ADGRL4: variants seen among roughly 807,000 people sequenced by gnomAD.
ADGRL4 encodes the protein EGF, latrophilin and seven transmembrane domain containing 1.
Under a neutral mutation model 74.8 loss-of-function variants are expected in ADGRL4, and 90 were observed. That is an observed-to-expected ratio of 1.20 (90% confidence interval 1.02 to 1.43). ADGRL4 has a LOEUF of 1.43. Ranked by LOEUF, ADGRL4 falls within the 40% of genes most tolerant of loss-of-function variation. The pLI is 0.00. For missense variants in ADGRL4, 881 were observed against 814.3 expected (o/e 1.08, Z -1.00); for synonymous variants, 311 against 279.2 (o/e 1.11, Z -1.14).
rs57419194 is a variant in ADGRL4 at position 78,945,164 on chromosome 1, CAA to C, written c.325+1108_325+1109del. On this transcript the variant is annotated intron_variant, in intron 3 of 14. Coordinates refer to ENST00000370742, the MANE Select transcript of ADGRL4 (RefSeq NM_022159.4). ...TGGGCGACAGAGCGAGACTCTGTCT[CAA>C]AAAAAAAAAAAATATATATATATAT... Among the ~76,000 whole-genome samples, 21 of 116,538 alleles carry C rather than the reference CAA, an allele frequency of 1.8e-4. 1 individual carries two copies. Among genetic ancestry groups the C allele is most frequent in the East Asian group, 3.4e-4 (1 of 2,934 alleles). The allele number at this position is 116,538 out of a possible 152,430, so 76.5% of individuals were successfully genotyped here. A position where few individuals can be genotyped will look rare whatever the true frequency, so the allele number is the denominator to read the frequency against.
At chr1:78,928,312 T>C (rs964330534) in intron 7 of ADGRL4, among the ~76,000 whole-genome samples, 3 of 151,538 alleles carry the variant, frequency 2.0e-5, no homozygotes, top group African/African-American at 4.9e-5. Context: ...CATTTACAAA[T>C]ATATTATCTC....
intron 3 of ADGRL4, among the ~76,000 whole-genome samples, chr1:78,945,253 A>C (rs911367090): frequency 6.6e-6 from 1 of 150,902 alleles, no homozygotes; most frequent in Non-Finnish European, 1.5e-5. Context: ...TTGAATATCT[A>C]TCTCTTTTAT....
intron 6 of ADGRL4, 118 bp downstream of exon 6, chr1:78,937,689 A>G: frequency 9.2e-6 from 8 of 867,818 alleles, no homozygotes; most frequent in Non-Finnish European, 1.5e-5. Flanking sequence ...CACTGATAAA[A>G]CTACTTTCAA....
At chr1:78,916,691 C>G (rs1444568065) in intron 12 of ADGRL4, among the ~76,000 whole-genome samples, 1 of 151,676 alleles carries the variant, frequency 6.6e-6, no homozygotes, top group Non-Finnish European at 1.5e-5. Flanking sequence ...TAGCAGTACC[C>G]TCACAACCAT....
At chr1:78,972,663 A>G (rs1570264523) in intron 2 of ADGRL4, among the ~76,000 whole-genome samples, 1 of 152,222 alleles carries the variant, frequency 6.6e-6, no homozygotes, top group African/African-American at 2.4e-5. Flanking sequence ...TTGGCTTCAT[A>G]AATGAATCTG....
intron 2 of ADGRL4, among the ~76,000 whole-genome samples, chr1:78,998,131 C>T (rs1272150345): frequency 3.9e-5 from 6 of 152,284 alleles, no homozygotes; most frequent in Non-Finnish European, 7.4e-5. Context: ...AGGGGAAAGC[C>T]AGACTCTTTG....
intron 3 of ADGRL4, among the ~76,000 whole-genome samples, chr1:78,945,045 G>A (rs952991502): frequency 1.2e-4 from 18 of 151,666 alleles, no homozygotes; most frequent in African/African-American, 4.3e-4. Context: ...TGCACCTGTA[G>A]TCCCAGCTAC....
intron 12 of ADGRL4, among the ~76,000 whole-genome samples, chr1:78,910,318 A>T (rs922534693): frequency 7.9e-5 from 12 of 151,844 alleles, no homozygotes; most frequent in Admixed American, 2.6e-4. Context: ...GTGAAAGGGA[A>T]TTAGATTGTA....
At chr1:78,938,644 A>C (rs747546349) in intron 4 of ADGRL4, among the ~76,000 whole-genome samples, 19 of 152,102 alleles carry the variant, frequency 1.2e-4, no homozygotes, top group Non-Finnish European at 2.2e-4. Context: ...TGATATCCTA[A>C]GCAATAAATG....
intron 2 of ADGRL4, among the ~76,000 whole-genome samples, chr1:78,975,534 G>A (rs1005766958): frequency 2.6e-5 from 4 of 151,858 alleles, no homozygotes; most frequent in Admixed American, 6.6e-5. Context: ...TTATAATTAT[G>A]TAGGCCCAGG....
intron 12 of ADGRL4, among the ~76,000 whole-genome samples, chr1:78,898,746 T>A (rs1648452924): frequency 6.6e-6 from 1 of 152,162 alleles, no homozygotes; most frequent in Non-Finnish European, 1.5e-5. Context: ...TTTTGTTTCA[T>A]CTTAAGTGAT....
intron 11 of ADGRL4, 55 bp from the exon 12 acceptor site, chr1:78,917,755 T>C: frequency 1.3e-6 from 2 of 1,584,412 alleles, no homozygotes; most frequent in Non-Finnish European, 1.7e-6. Flanking sequence ...TATGTTAACA[T>C]AGCAAAATTA....
chr1:78,952,839 T>C (rs1649756997), intron 2 of ADGRL4, among the ~76,000 whole-genome samples: 1 of 152,178 alleles, frequency 6.6e-6, no homozygotes, highest in Non-Finnish European at 1.5e-5. Flanking sequence ...CAGGTTCATT[T>C]CAAAATTTTT....
intron 2 of ADGRL4, among the ~76,000 whole-genome samples, chr1:78,987,225 T>C (rs12120512): frequency 0.11 from 17,269 of 151,756 alleles, 1,016 homozygotes; most frequent in Admixed American, 0.14. Flanking sequence ...CATCGTGATA[T>C]ACTATTTATT....
chr1:78,927,118 G>A, intron 7 of ADGRL4, 27 bp from the exon 8 acceptor site: 1 of 1,420,934 alleles, frequency 7.0e-7, no homozygotes, highest in Non-Finnish European at 9.8e-7. Context: ...TATATTTAGT[G>A]AAATTCTTAT....
At chr1:78,999,891 T>C (rs1349388149) in intron 2 of ADGRL4, among the ~76,000 whole-genome samples, 2 of 151,934 alleles carry the variant, frequency 1.3e-5, no homozygotes, top group Non-Finnish European at 2.9e-5. Flanking sequence ...GAGCCTGAAG[T>C]ATAAACAGAA....
At chr1:78,909,519 G>T (rs1648713481) in intron 12 of ADGRL4, among the ~76,000 whole-genome samples, 1 of 151,844 alleles carries the variant, frequency 6.6e-6, no homozygotes, top group Non-Finnish European at 1.5e-5. Context: ...AGACAGGACA[G>T]CCTCCACAAC....
intron 2 of ADGRL4, among the ~76,000 whole-genome samples, chr1:78,975,403 T>G (rs1203375019): frequency 6.6e-6 from 1 of 152,078 alleles, no homozygotes; most frequent in Non-Finnish European, 1.5e-5. Context: ...AGATGGACAG[T>G]GGGAGATGCC....
At chr1:78,931,513 C>A (rs1365377634) in intron 7 of ADGRL4, among the ~76,000 whole-genome samples, 1 of 151,322 alleles carries the variant, frequency 6.6e-6, no homozygotes, top group Non-Finnish European at 1.5e-5. Flanking sequence ...TATGAAGAAA[C>A]CGCAGCAACT....
Sources: allele counts gnomAD v4.1 joint callset (sites outside exome capture counted in the v4.1 genomes callset), GRCh38; gene constraint gnomAD v4.1.1; transcripts MANE v1.5; gene names NCBI Gene and HGNC (gene_info 2026-07-23, HGNC 2026-07-21).